The following SNTG1 variants were observed in gnomAD, a reference collection of about 807,000 sequenced individuals.
SNTG1 encodes gamma-1-syntrophin.
In SNTG1, 39 loss-of-function variants were observed where a neutral mutation model predicts 74.7. The observed-to-expected ratio is 0.52, with a 90% CI of 0.40 to 0.68. SNTG1 has a LOEUF of 0.68. SNTG1 is among the 30% of genes least tolerant of loss of function. SNTG1 has a pLI of 0.00. For synonymous variants in SNTG1, 254 were observed against 217.1 expected, an observed-to-expected ratio of 1.17 and a Z score of -1.49; for missense variants, 685 against 609.5, an observed-to-expected ratio of 1.12 and a Z score of -1.30.
At chr8:50,192,987 C>G (rs776370007) in intron 2 of SNTG1, among the ~76,000 whole-genome samples, 2 of 152,026 alleles carry the variant, frequency 1.3e-5, no homozygotes, top group Non-Finnish European at 2.9e-5. Context: ...TCTGGATTCT[C>G]TATTCTGTTT....
intron 2 of SNTG1, among the ~76,000 whole-genome samples, chr8:50,346,615 G>A (rs2130970180): frequency 6.6e-6 from 1 of 152,374 alleles, no homozygotes; most frequent in South Asian, 2.1e-4. Flanking sequence ...GCTGAAATAA[G>A]CTGAAAGCTA....
intron 1 of SNTG1, among the ~76,000 whole-genome samples, chr8:50,167,303 T>A: frequency 7.0e-6 from 1 of 142,162 alleles, no homozygotes; most frequent in African/African-American, 2.6e-5. Context: ...AAAAAAAGAT[T>A]AAAAATAAAA....
intron 1 of SNTG1, among the ~76,000 whole-genome samples, chr8:49,919,447 T>A (rs1465508034): frequency 1.3e-5 from 2 of 152,118 alleles, no homozygotes; most frequent in Non-Finnish European, 2.9e-5. Context: ...TCCTCTACAA[T>A]GCTAGTGAAG....
chr8:49,965,336 T>G (rs1024149481), intron 1 of SNTG1, among the ~76,000 whole-genome samples: 4 of 152,202 alleles, frequency 2.6e-5, no homozygotes, highest in African/African-American at 9.6e-5. Flanking sequence ...CCTTTTTATA[T>G]GAGTTTCTTT....
chr8:50,526,948 C>T (rs1429993245), intron 9 of SNTG1, among the ~76,000 whole-genome samples: 1 of 152,118 alleles, frequency 6.6e-6, no homozygotes, highest in African/African-American at 2.4e-5. Context: ...TTAAACAACT[C>T]CCACTGTGTT....
intron 11 of SNTG1, among the ~76,000 whole-genome samples, chr8:50,546,997 G>C (rs1336279265): frequency 6.6e-6 from 1 of 152,098 alleles, no homozygotes; most frequent in African/African-American, 2.4e-5. Context: ...TGGCCAGGCT[G>C]GTCTCGAACT....
At chr8:50,424,321 CA>C (rs925816518) in intron 4 of SNTG1, among the ~76,000 whole-genome samples, 5 of 151,726 alleles carry the variant, frequency 3.3e-5, no homozygotes, top group Admixed American at 6.6e-5. Context: ...CAAACAAAAA[CA>C]AAAAAAGGTA....
At chr8:50,260,425 A>C (rs900867980) in intron 2 of SNTG1, among the ~76,000 whole-genome samples, 4 of 152,122 alleles carry the variant, frequency 2.6e-5, no homozygotes, top group Non-Finnish European at 4.4e-5. Flanking sequence ...ACTATAGTAC[A>C]CTTCTCCACA....
At chr8:50,076,920 C>T (rs1376998869) in intron 1 of SNTG1, among the ~76,000 whole-genome samples, 2 of 152,072 alleles carry the variant, frequency 1.3e-5, no homozygotes, top group Admixed American at 6.6e-5. Context: ...TAGCCAAAGC[C>T]AATCTAAATG....
chr8:50,678,961 T>G (rs2131379145), intron 15 of SNTG1, among the ~76,000 whole-genome samples: 1 of 152,212 alleles, frequency 6.6e-6, no homozygotes, highest in East Asian at 1.9e-4. Flanking sequence ...TATATGTGTG[T>G]TTTATCATTG....
chr8:50,075,028 C>G lies in SNTG1; in HGVS notation c.-102-97533C>G, dbSNP rs543172055. Among the ~76,000 whole-genome samples, 14 of 152,336 alleles carry G rather than the reference C, an allele frequency of 9.2e-5. No homozygotes were observed. In the South Asian group the frequency reaches 2.5e-3, roughly 27 times the overall value. On this transcript the variant is annotated intron_variant, in intron 1 of 18. Coordinates refer to ENST00000642720, the MANE Select transcript of SNTG1 (RefSeq NM_018967.5). ...TAGGCCAGCAGCTGCAGAGGGTACA[C>G]TGGGTCCCCCAGCACTGCCGGCCGC...
chr8:50,334,046 A>T (rs1359102460), intron 2 of SNTG1, among the ~76,000 whole-genome samples: 3 of 152,134 alleles, frequency 2.0e-5, no homozygotes, highest in Non-Finnish European at 4.4e-5. Context: ...ACAGGCACCC[A>T]TCATCACGCC....
intron 9 of SNTG1, among the ~76,000 whole-genome samples, chr8:50,514,114 C>T (rs997812528): frequency 6.6e-6 from 1 of 152,072 alleles, no homozygotes; most frequent in African/African-American, 2.4e-5. Context: ...TTTTATTAGC[C>T]TAGTCAAGGT....
At chr8:50,726,503 A>G (rs1194093881) in intron 17 of SNTG1, among the ~76,000 whole-genome samples, 3 of 152,218 alleles carry the variant, frequency 2.0e-5, no homozygotes, top group Admixed American at 6.5e-5. Flanking sequence ...TGAATAATCA[A>G]GAGTTGCTTG....
chr8:50,535,523 GGTGAC>G (rs2094301310), intron 10 of SNTG1, among the ~76,000 whole-genome samples: 1 of 152,148 alleles, frequency 6.6e-6, no homozygotes, highest in Non-Finnish European at 1.5e-5. Flanking sequence ...TTGAAGGACA[GGTGAC>G]TTGGAAGCTG....
intron 2 of SNTG1, among the ~76,000 whole-genome samples, chr8:50,282,128 C>T (rs146965433): frequency 6.6e-6 from 1 of 152,108 alleles, no homozygotes; most frequent in Non-Finnish European, 1.5e-5. Context: ...AGATAAACCC[C>T]TTCCCCAACC....
At chr8:50,303,943 TG>T (rs34000950) in intron 2 of SNTG1, among the ~76,000 whole-genome samples, 79,468 of 152,024 alleles carry the variant, frequency 0.52, 23,770 homozygotes, top group East Asian at 0.83. Context: ...TACAGTAGAA[TG>T]CTGCAAATCA....
At chr8:50,539,209 A>G (rs953123620) in intron 11 of SNTG1, among the ~76,000 whole-genome samples, 5 of 152,116 alleles carry the variant, frequency 3.3e-5, no homozygotes, top group African/African-American at 9.7e-5. Context: ...TTTCCTGGAT[A>G]TTGATATGAC....
intron 1 of SNTG1, among the ~76,000 whole-genome samples, chr8:50,000,202 A>G (rs960696055): frequency 6.6e-6 from 1 of 151,930 alleles, no homozygotes; most frequent in Non-Finnish European, 1.5e-5. Context: ...CCTGCTTGTC[A>G]TTGTGTTGAA....
Sources: gnomAD v4.1 joint callset for allele counts (sites outside exome capture counted in the v4.1 genomes callset) on GRCh38, gnomAD v4.1.1 for gene constraint, MANE v1.5 for transcripts, NCBI Gene and HGNC (gene_info 2026-07-23, HGNC 2026-07-21) for gene names.